SH3KBP1: variants seen among roughly 807,000 people sequenced by gnomAD.
SH3KBP1 encodes SH3 domain-containing kinase-binding protein 1.
Under a neutral mutation model 50.1 loss-of-function variants are expected in SH3KBP1, and 8 were observed. The ratio of observed to expected loss-of-function variants is 0.16; its 90% confidence interval spans 0.09 to 0.29. SH3KBP1 has a LOEUF of 0.29. SH3KBP1 is among the 10% of genes least tolerant of loss of function. The probability of loss-of-function intolerance (pLI) is 1.00; values close to 1 mark genes in which losing one functional copy is unlikely to be tolerated. For missense variants in SH3KBP1, 377 were observed against 535.2 expected (o/e 0.70, Z 2.92); for synonymous variants, 227 against 218.6 (o/e 1.04, Z -0.34).
At chrX:19,717,461 G>C (rs1432815972) in intron 3 of SH3KBP1, among the ~76,000 whole-genome samples, 1 of 112,195 alleles carries the variant, frequency 8.9e-6, no homozygotes, top group Non-Finnish European at 1.9e-5. Flanking sequence ...CCAGTTACTT[G>C]AAAGGTTGAG....
chrX:19,537,812 A>G, intron 16 of SH3KBP1, 32 bp from the exon 17 acceptor site: 1 of 1,103,551 alleles, frequency 9.1e-7, no homozygotes, highest in Non-Finnish European at 1.3e-6. Flanking sequence ...AATTAACCAA[A>G]ATCCCAGACT....
chrX:19,772,823 C>T (rs778121740), intron 2 of SH3KBP1, among the ~76,000 whole-genome samples: 27 of 111,707 alleles, frequency 2.4e-4, no homozygotes, highest in Non-Finnish European at 4.1e-4. Flanking sequence ...TCCTCATCTT[C>T]CCCCACTCTT....
intron 6 of SH3KBP1, among the ~76,000 whole-genome samples, chrX:19,665,104 G>A (rs1465248352): frequency 1.8e-5 from 2 of 111,835 alleles, no homozygotes; most frequent in African/African-American, 6.5e-5. Flanking sequence ...GAGACAATGA[G>A]AACCCAACTA....
At chrX:19,671,070 G>A in intron 6 of SH3KBP1, 1 of 982,554 alleles carries the variant, frequency 1.0e-6, no homozygotes. Flanking sequence ...TGGCTTGGGT[G>A]GCTTCGAGAG....
intron 4 of SH3KBP1, among the ~76,000 whole-genome samples, chrX:19,696,114 T>C (rs1426433350): frequency 2.7e-5 from 3 of 112,024 alleles, no homozygotes; most frequent in South Asian, 3.7e-4. Context: ...ATAGATGCTA[T>C]GGGTATCTCA....
chrX:19,580,839 C>T (rs948822617), intron 12 of SH3KBP1, among the ~76,000 whole-genome samples: 3 of 111,708 alleles, frequency 2.7e-5, no homozygotes, highest in African/African-American at 9.8e-5. Flanking sequence ...GCTGTCTCTA[C>T]TCTTTCCTCC....
intron 13 of SH3KBP1, among the ~76,000 whole-genome samples, chrX:19,553,202 G>T (rs2065292998): frequency 9.0e-6 from 1 of 111,202 alleles, no homozygotes; most frequent in African/African-American, 3.3e-5. Flanking sequence ...GCCCCTCTTA[G>T]GATGGACTTG....
chrX:19,652,232 T>C (rs184376683), intron 6 of SH3KBP1, among the ~76,000 whole-genome samples: 14 of 111,461 alleles, frequency 1.3e-4, no homozygotes, highest in African/African-American at 4.6e-4. Context: ...GGGGCCTCGG[T>C]TGCCCTTGCC....
chrX:19,589,446 A>T (rs1042650834), intron 11 of SH3KBP1, among the ~76,000 whole-genome samples: 13 of 112,113 alleles, frequency 1.2e-4, no homozygotes, highest in African/African-American at 3.9e-4. Context: ...TCAGGGAACA[A>T]TGAGTTCTGG....
intron 2 of SH3KBP1, among the ~76,000 whole-genome samples, chrX:19,820,022 G>A: frequency 9.0e-6 from 1 of 111,691 alleles, no homozygotes; most frequent in Non-Finnish European, 1.9e-5. Context: ...GAGATTTTCT[G>A]ATCTTTCCAT....
At chrX:19,668,957 T>C (rs1243217636) in intron 6 of SH3KBP1, among the ~76,000 whole-genome samples, 1 of 78,595 alleles carries the variant, frequency 1.3e-5, no homozygotes, top group Non-Finnish European at 2.5e-5. Context: ...TATATATATA[T>C]ATATATATAT....
intron 2 of SH3KBP1, among the ~76,000 whole-genome samples, chrX:19,778,300 G>A (rs1290589597): frequency 1.8e-5 from 2 of 108,923 alleles, no homozygotes; most frequent in Non-Finnish European, 3.8e-5. Context: ...ACACGATGGC[G>A]GGCGCCTGTA....
chrX:19,566,164 A>G (rs1167457419), intron 13 of SH3KBP1, among the ~76,000 whole-genome samples: 1 of 110,733 alleles, frequency 9.0e-6, no homozygotes, highest in Non-Finnish European at 1.9e-5. Context: ...TTAACTTGAG[A>G]AGATATAGCC....
chrX:19,584,336 T>C (rs1307806545), intron 12 of SH3KBP1, among the ~76,000 whole-genome samples: 6 of 100,875 alleles, frequency 5.9e-5, no homozygotes, highest in African/African-American at 2.2e-4. Context: ...AATACACATA[T>C]ATATATTTAT....
At chrX:19,664,113 C>T (rs1273495060) in intron 6 of SH3KBP1, among the ~76,000 whole-genome samples, 1 of 111,433 alleles carries the variant, frequency 9.0e-6, no homozygotes, top group African/African-American at 3.3e-5. Context: ...CAATGGGACG[C>T]CTCTTTCTCA....
chrX:19,656,664 C>T (rs1443783872), intron 6 of SH3KBP1, among the ~76,000 whole-genome samples: 1 of 111,680 alleles, frequency 9.0e-6, no homozygotes, highest in Non-Finnish European at 1.9e-5. Context: ...AAGGAGGCAT[C>T]GTGGAGAATA....
At chrX:19,875,921 G>T (rs1201511939) in intron 1 of SH3KBP1, among the ~76,000 whole-genome samples, 1 of 112,538 alleles carries the variant, frequency 8.9e-6, no homozygotes, top group Non-Finnish European at 1.9e-5. Context: ...GGCACCCTTG[G>T]GTTGCATGAG....
chrX:19,885,028 G>C (rs2069549636), intron 1 of SH3KBP1, among the ~76,000 whole-genome samples: 2 of 111,954 alleles, frequency 1.8e-5, no homozygotes, highest in African/African-American at 3.3e-5. Flanking sequence ...ATCAGGCACA[G>C]TGGTGTGAGC....
rs2064663330 is a variant in SH3KBP1, at chrX:19,534,552, T to C, written c.*1865A>G. On this transcript the variant is annotated 3_prime_UTR_variant, in exon 18 of 18. Transcript: ENST00000397821. ...AGGTCGTGGGGAATCTCTGGAATCT[T>C]CAAGTTTAACGCAGAAATGCTTATA... 9.3e-6 allele frequency: 2 copies of C among 214,153 alleles called. No homozygotes were observed. The highest frequency in any genetic ancestry group is 5.8e-5 in the African/African-American group (2 of 34,631). The allele number at this position is 214,153 out of a possible 1,213,427, so 17.6% of individuals were successfully genotyped here. A position where few individuals can be genotyped will look rare whatever the true frequency, so the allele number is the denominator to read the frequency against.
Sources: allele counts gnomAD v4.1 joint callset (sites outside exome capture counted in the v4.1 genomes callset), GRCh38; gene constraint gnomAD v4.1.1; transcripts MANE v1.5; gene names NCBI Gene and HGNC (gene_info 2026-07-23, HGNC 2026-07-21).